RTTN: variants seen among roughly 807,000 people sequenced by gnomAD.
The protein encoded by RTTN is rotatin.
Under a neutral mutation model 269.2 loss-of-function variants are expected in RTTN, and 182 were observed. The ratio of observed to expected loss-of-function variants is 0.68; its 90% CI spans 0.60 to 0.76. The LOEUF (loss-of-function observed/expected upper bound fraction) is 0.76. Among genes scored for constraint, RTTN ranks in the 30% least tolerant of loss-of-function variants. The pLI, the probability that RTTN is intolerant of heterozygous loss-of-function variation, is 0.00. For missense variants in RTTN, 2,545 were observed against 2,608.6 expected, an observed-to-expected ratio of 0.98 and a Z score of 0.53; for synonymous variants, 1,006 against 963.5, an observed-to-expected ratio of 1.04 and a Z score of -0.82.
Position 70,184,710 on chromosome 18 carries a change from T to TG in RTTN, c.1305+3397_1305+3398insC, listed in dbSNP as rs1427052940. Among the ~76,000 whole-genome samples the TG allele has an allele frequency of 3.8e-3, 218 of 57,076 alleles. 1 individual carries two copies. Among genetic ancestry groups the TG allele is most frequent in the African/African-American group, 0.014 (206 of 14,842 alleles). 37.4% of individuals were successfully genotyped at this position (57,076 alleles called of 152,430 possible). A position where few individuals can be genotyped will look rare whatever the true frequency, so the allele number is the denominator to read the frequency against. ...CATTCAAAACCACAGCAGGTTTTTT[T>TG]TTTTTTTGTGTGTGTGTGTGTGTGT... On this transcript the variant is annotated intron_variant, in intron 10 of 48. Coordinates refer to ENST00000640769, the MANE Select transcript of RTTN (RefSeq NM_173630.4).
intron 3 of RTTN, among the ~76,000 whole-genome samples, chr18:70,203,058 A>G (rs1202723333): frequency 6.6e-6 from 1 of 152,166 alleles, no homozygotes; most frequent in Non-Finnish European, 1.5e-5. Flanking sequence ...TTCCATGTGC[A>G]AGGCACTATA....
intron 46 of RTTN, among the ~76,000 whole-genome samples, chr18:70,013,983 T>C (rs1379210934): frequency 6.6e-6 from 1 of 152,212 alleles, no homozygotes; most frequent in Non-Finnish European, 1.5e-5. Flanking sequence ...TAATCTATCT[T>C]CTAATTCCTA....
chr18:70,055,849 C>T (rs535851142), intron 37 of RTTN, among the ~76,000 whole-genome samples: 1 of 152,198 alleles, frequency 6.6e-6, no homozygotes, highest in East Asian at 1.9e-4. Context: ...AAAATACCAA[C>T]CAACTGACCA....
chr18:70,019,740 C>G (rs975668188), intron 45 of RTTN: 15 of 152,174 alleles, frequency 9.9e-5, no homozygotes, highest in African/African-American at 3.4e-4. Flanking sequence ...CTGGCTCCAA[C>G]GTGCCACTGA....
intron 11 of RTTN, among the ~76,000 whole-genome samples, chr18:70,174,240 ACAGTGCACAATTT>A (rs772306253): frequency 6.6e-6 from 1 of 152,144 alleles, no homozygotes; most frequent in Non-Finnish European, 1.5e-5. Flanking sequence ...AGTTAAACTA[ACAGTGCACAATTT>A]CAGAAACTGT....
intron 40 of RTTN, among the ~76,000 whole-genome samples, chr18:70,034,068 G>C (rs1423858398): frequency 1.3e-5 from 2 of 152,032 alleles, no homozygotes; most frequent in African/African-American, 4.8e-5. Flanking sequence ...GAAATAAATA[G>C]CCTGCACACC....
chr18:70,203,529 G>A (rs1158885772), intron 3 of RTTN, among the ~76,000 whole-genome samples: 1 of 152,132 alleles, frequency 6.6e-6, no homozygotes, highest in East Asian at 1.9e-4. Context: ...TTTTGAATGA[G>A]AAAACTGAAG....
Position 70,201,205 on chromosome 18 carries a change from A to C in RTTN, c.487+689T>G, listed in dbSNP as rs115355101. Among the ~76,000 whole-genome samples, 433 of 152,300 alleles carry C rather than the reference A, an allele frequency of 2.8e-3. 1 individual carries two copies. The highest frequency in any genetic ancestry group is 9.9e-3 in the African/African-American group (410 of 41,556). ...GGTGAGGAAATGGGAAAAGAAACTA[A>C]AATGATCTTCAGCCTCTGGCTGGCG... is the stretch of plus-strand genomic sequence containing the variant. On this transcript the variant is annotated intron_variant, in intron 4 of 48. Transcript: ENST00000640769.
chr18:70,143,529 A>G (rs1210426663), intron 18 of RTTN, among the ~76,000 whole-genome samples: 1 of 152,138 alleles, frequency 6.6e-6, no homozygotes, highest in Non-Finnish European at 1.5e-5. Context: ...CTCACTTATA[A>G]GCAGGAGCTA....
At chr18:70,145,833 A>AT (rs869211606) in intron 17 of RTTN, 50 bp from the exon 18 acceptor site, 1 of 1,432,542 alleles carries the variant, frequency 7.0e-7, no homozygotes. Flanking sequence ...GCAAATGTCT[A>AT]TTTTAAAAGG....
chr18:70,057,508 T>C (rs2057852816), intron 37 of RTTN, among the ~76,000 whole-genome samples: 1 of 152,228 alleles, frequency 6.6e-6, no homozygotes, highest in African/African-American at 2.4e-5. Context: ...CATTTAAAGC[T>C]GGTTAATGAT....
intron 14 of RTTN, among the ~76,000 whole-genome samples, chr18:70,157,817 A>G (rs1357067474): frequency 6.6e-6 from 1 of 152,182 alleles, no homozygotes; most frequent in Non-Finnish European, 1.5e-5. Flanking sequence ...TCATAATGCA[A>G]TTGGAAGCAT....
At chr18:70,087,633 AAG>A (rs1352204409) in intron 31 of RTTN, among the ~76,000 whole-genome samples, 2 of 152,210 alleles carry the variant, frequency 1.3e-5, no homozygotes, top group Non-Finnish European at 2.9e-5. Flanking sequence ...AAATACTACA[AAG>A]AGTTATTTTG....
chr18:70,166,598 G>C (rs1172253821), intron 13 of RTTN: 1 of 211,624 alleles, frequency 4.7e-6, no homozygotes. Context: ...CTCAGTTTAA[G>C]TTATTAATTA....
At position 70,086,627 on chromosome 18, in the gene RTTN, C is replaced by A. The variant is rs199965041; in HGVS notation, c.4360G>T (p.Asp1454Tyr). Residue 1454 changes from aspartate (D) to tyrosine (Y), a missense_variant, in exon 32 of 49, where the codon GAT becomes TAT. Transcript: ENST00000640769. ...AAATCACCCACCTGCCAAGTATAATCCTTTATAATTTCTGTAGGCATTGGA... is the reference window on the plus strand; with the variant it reads ...AAATCACCCACCTGCCAAGTATAATACTTTATAATTTCTGTAGGCATTGGA... ...VIPMPTEIIK[D>Y]YTWQGPCVHD... is the part of the protein sequence containing the mutation. 91 of 1,584,716 alleles carry A rather than the reference C, an allele frequency of 5.7e-5. No individual in the cohort carries two copies. In the African/African-American group the frequency reaches 1.2e-3, roughly 22 times the overall value.
rs904849566 is a variant in RTTN at position 70,122,123 on chromosome 18, A to AG, written c.3384-424dup. Among the ~76,000 whole-genome samples, 4 of 152,110 alleles carry AG rather than the reference A, an allele frequency of 2.6e-5. 1 individual carries two copies. Among genetic ancestry groups the AG allele is most frequent in the African/African-American group, 4.8e-5 (2 of 41,438 alleles). On this transcript the variant is annotated intron_variant, in intron 25 of 48. Coordinates refer to ENST00000640769, the MANE Select transcript of RTTN (RefSeq NM_173630.4). The stretch of plus-strand genomic sequence containing the variant: ...CTCGAAAAAATAAGGTAATAAAGTG[A>AG]GGGGGAAAAAAAGGCCTGCAAGGAC...
chr18:70,094,399 C>T (rs373683141), intron 28 of RTTN, among the ~76,000 whole-genome samples: 3 of 152,040 alleles, frequency 2.0e-5, no homozygotes, highest in Non-Finnish European at 4.4e-5. Flanking sequence ...GTTAGGGTGT[C>T]GATTTTAGAT....
intron 17 of RTTN, among the ~76,000 whole-genome samples, chr18:70,147,869 G>A (rs1424346701): frequency 1.3e-5 from 2 of 152,018 alleles, no homozygotes; most frequent in Non-Finnish European, 2.9e-5. Flanking sequence ...GTTTGTTCAA[G>A]TAAGGAGTAC....
chr18:70,142,093 G>C (rs957845048), intron 19 of RTTN, among the ~76,000 whole-genome samples, 195 bp downstream of exon 19: 17 of 152,032 alleles, frequency 1.1e-4, no homozygotes, highest in Non-Finnish European at 2.4e-4. Context: ...ATGGTCTCTC[G>C]CATATTCTTT....
Sources: gnomAD v4.1 joint callset for allele counts (sites outside exome capture counted in the v4.1 genomes callset) on GRCh38, gnomAD v4.1.1 for gene constraint, MANE v1.5 for transcripts, NCBI Gene and HGNC (gene_info 2026-07-23, HGNC 2026-07-21) for gene names.